Variants in SHROOM3 observed in about 807,000 individuals in gnomAD.
The protein encoded by SHROOM3 is protein Shroom3.
SHROOM3 carries 47 observed loss-of-function variants against 138.6 expected under a neutral mutation model. That is an observed-to-expected ratio of 0.34 (90% CI 0.27 to 0.43). The LOEUF (loss-of-function observed/expected upper bound fraction) is 0.43, where lower values mean the gene tolerates loss of function less well. Among genes scored for constraint, SHROOM3 ranks in the 20% least tolerant of loss-of-function variants. The pLI is 1.00. For synonymous variants in SHROOM3, 1,062 were observed against 1,063.3 expected (o/e 1.00, Z 0.02); for missense variants, 2,491 against 2,596.5 (o/e 0.96, Z 0.88).
At chr4:76,587,305 T>C (rs537615269) in intron 2 of SHROOM3, 1 of 152,340 alleles carries the variant, frequency 6.6e-6, no homozygotes, top group Non-Finnish European at 1.5e-5. Flanking sequence ...CCTGTCTGTT[T>C]TGTTGTGATA....
At chr4:76,681,625 G>GTA (rs1553936158) in intron 2 of SHROOM3, among the ~76,000 whole-genome samples, 4 of 117,954 alleles carry the variant, frequency 3.4e-5, no homozygotes, top group Admixed American at 9.0e-5. Flanking sequence ...GTGTGTGTGT[G>GTA]TGTGTGTGTA....
In SHROOM3 at chr4:76,741,418, A is replaced by G. The variant is rs751264874; in HGVS notation, c.3245A>G (p.Gln1082Arg). The change falls in exon 5 of 11, where the codon CAG becomes CGG. Residue 1082 changes from glutamine to arginine, a missense_variant. This residue lies in a region of SHROOM3 where 1,733 missense variants were observed against 1,661.6 expected (regional missense o/e 1.04). Coordinates refer to ENST00000296043, the MANE Select transcript of SHROOM3 (RefSeq NM_020859.4). This position sits in a 1 kb window ranked among gnomAD's most constrained non-coding sequence, Gnocchi z 6.2. The stretch of plus-strand genomic sequence containing the variant: ...TCGGGGCCCGAGCTGAAGCAGTTCC[A>G]GCAGAGCGCCCTGGCGGACTACATC... ...SLSGPELKQF[Q>R]QSALADYIQR... 1.2e-5 allele frequency: 19 copies of G among 1,597,026 alleles called. No individual in the cohort carries two copies. The African/African-American group carries it at 2.4e-4, about 20-fold the overall frequency.
chr4:76,551,869 TA>T (rs1341334459), intron 1 of SHROOM3, among the ~76,000 whole-genome samples: 4 of 151,466 alleles, frequency 2.6e-5, no homozygotes, highest in African/African-American at 7.3e-5. Context: ...TTATTATTAT[TA>T]TTTTTTTTTG....
Position 76,670,429 on chromosome 4 carries a change from T to G in SHROOM3, c.324-39727T>G, listed in dbSNP as rs761628304. On this transcript the variant is annotated intron_variant, in intron 2 of 10. Transcript: ENST00000296043. ...AAAAGGAGATCAGTGATGCCTGGGT[T>G]AGGGGGTGGGAGCAGGGATTGGGCA... 7.9e-4 allele frequency among the ~76,000 whole-genome samples: 120 copies of G among 152,166 alleles called. 1 individual carries two copies. Among genetic ancestry groups the G allele is most frequent in the Middle Eastern group, 3.4e-3 (1 of 294 alleles).
intron 2 of SHROOM3, among the ~76,000 whole-genome samples, chr4:76,667,075 G>A (rs568308007): frequency 6.6e-6 from 1 of 152,300 alleles, no homozygotes; most frequent in South Asian, 2.1e-4. Flanking sequence ...GCTGGGGAAT[G>A]GGAGGATTGG....
intron 1 of SHROOM3, among the ~76,000 whole-genome samples, chr4:76,491,509 T>C (rs1376487771): frequency 6.6e-6 from 1 of 152,210 alleles, no homozygotes; most frequent in Non-Finnish European, 1.5e-5. Context: ...TGGATACTTA[T>C]TGGAAAGATT....
At chr4:76,670,988 T>G (rs1718864826) in intron 2 of SHROOM3, among the ~76,000 whole-genome samples, 1 of 151,984 alleles carries the variant, frequency 6.6e-6, no homozygotes, top group South Asian at 2.1e-4. Context: ...TCAAGAAGAT[T>G]AACAAGACCT....
intron 1 of SHROOM3, among the ~76,000 whole-genome samples, chr4:76,447,675 A>T (rs938129073): frequency 2.6e-5 from 4 of 152,204 alleles, no homozygotes; most frequent in Admixed American, 2.6e-4. Flanking sequence ...TCAGCTAGTG[A>T]GTAGCAGGGC....
chr4:76,762,905 G>C (rs1230239526), intron 9 of SHROOM3, among the ~76,000 whole-genome samples: 1 of 152,102 alleles, frequency 6.6e-6, no homozygotes, highest in East Asian at 1.9e-4. Flanking sequence ...ACCTCCTCCA[G>C]GAAGATAAAA....
At chr4:76,484,177 AT>A (rs1293757352) in intron 1 of SHROOM3, among the ~76,000 whole-genome samples, 2 of 151,478 alleles carry the variant, frequency 1.3e-5, no homozygotes, top group African/African-American at 2.4e-5. Flanking sequence ...ATCCAGAATG[AT>A]TTTTTTTTCT....
At chr4:76,530,879 A>C (rs1017068509) in intron 1 of SHROOM3, among the ~76,000 whole-genome samples, 1 of 152,154 alleles carries the variant, frequency 6.6e-6, no homozygotes, top group Non-Finnish European at 1.5e-5. Context: ...TGTTTGGAGG[A>C]ATATCCTCCT....
chr4:76,698,550 G>A (rs1179982855), intron 2 of SHROOM3, among the ~76,000 whole-genome samples: 1 of 152,162 alleles, frequency 6.6e-6, no homozygotes, highest in Non-Finnish European at 1.5e-5. Flanking sequence ...GGGACCCTCA[G>A]AGACCTTCCT....
chr4:76,672,289 A>G (rs1718904614), intron 2 of SHROOM3, among the ~76,000 whole-genome samples: 1 of 152,178 alleles, frequency 6.6e-6, no homozygotes, highest in South Asian at 2.1e-4. Context: ...TTTCGGAGAG[A>G]AAAGAAAACC....
At chr4:76,480,896 G>T (rs758801079) in intron 1 of SHROOM3, among the ~76,000 whole-genome samples, 1 of 152,042 alleles carries the variant, frequency 6.6e-6, no homozygotes, top group African/African-American at 2.4e-5. Flanking sequence ...GGGTAAATAC[G>T]AAATTAAGGT....
intron 2 of SHROOM3, among the ~76,000 whole-genome samples, chr4:76,699,794 G>A (rs184486334): frequency 3.5e-4 from 54 of 152,288 alleles, no homozygotes; most frequent in Non-Finnish European, 6.0e-4. Context: ...GGAGAGGCAT[G>A]TCAGAGGTAT....
chr4:76,631,203 C>CTTTTTTTTTT (rs71212436), intron 2 of SHROOM3, among the ~76,000 whole-genome samples: 12 of 104,202 alleles, frequency 1.2e-4, no homozygotes, highest in South Asian at 6.7e-4. Context: ...TTTTTTTAAT[C>CTTTTTTTTTT]TTTTTTTTTT....
At chr4:76,651,325 G>A (rs1196745205) in intron 2 of SHROOM3, among the ~76,000 whole-genome samples, 1 of 148,678 alleles carries the variant, frequency 6.7e-6, no homozygotes, top group African/African-American at 2.5e-5. Context: ...TGCTTGAGGG[G>A]GATGGATACC....
At chr4:76,718,392 T>A (rs1720438770) in intron 3 of SHROOM3, among the ~76,000 whole-genome samples, 1 of 152,220 alleles carries the variant, frequency 6.6e-6, no homozygotes, top group Non-Finnish European at 1.5e-5. Context: ...TGTTAAAGTC[T>A]TTTACATTTT....
chr4:76,480,863 CA>C (rs1731593987), intron 1 of SHROOM3, among the ~76,000 whole-genome samples: 1 of 152,146 alleles, frequency 6.6e-6, no homozygotes, highest in Non-Finnish European at 1.5e-5. Flanking sequence ...GGAAACTGAA[CA>C]ACCTGCTCCT....
Sources: allele counts gnomAD v4.1 joint callset (sites outside exome capture counted in the v4.1 genomes callset), GRCh38; gene constraint gnomAD v4.1.1; regional missense constraint gnomAD v4.1.1; non-coding constraint Gnocchi (gnomAD v3.1); transcripts MANE v1.5; gene names NCBI Gene and HGNC (gene_info 2026-07-23, HGNC 2026-07-21).